Variants in KCNH1 observed in about 807,000 individuals in gnomAD.
KCNH1 encodes potassium voltage-gated channel subfamily H member 1, also known as voltage-gated delayed rectifier potassium channel KCNH1.
Under a neutral mutation model 69.2 loss-of-function variants are expected in KCNH1, and 27 were observed. The observed-to-expected ratio is 0.39, with a 90% CI of 0.29 to 0.54. KCNH1 has a LOEUF of 0.54. Among genes scored for constraint, KCNH1 ranks in the 20% least tolerant of loss-of-function variants. The probability of loss-of-function intolerance (pLI) is 0.68; values close to 1 mark genes in which losing one functional copy is unlikely to be tolerated. For missense variants in KCNH1, 798 were observed against 1,261.6 expected, an observed-to-expected ratio of 0.63 and a Z score of 5.57; for synonymous variants, 456 against 487.7, an observed-to-expected ratio of 0.93 and a Z score of 0.86.
At position 210,742,587 on chromosome 1, in the gene KCNH1, G is replaced by A. The variant is rs558620612; in HGVS notation, c.2112+32761C>T. ...GAATTTGAATGACAGCAGACAGTTT[G>A]GGTCTTAGACTACTGCCTCATGCAC... On this transcript the variant is annotated intron_variant, in intron 10 of 10. Coordinates refer to ENST00000271751, the MANE Select transcript of KCNH1 (RefSeq NM_172362.3). 3.9e-5 allele frequency among the ~76,000 whole-genome samples: 6 copies of A among 152,284 alleles called. No homozygotes were observed. The East Asian group carries it at 9.7e-4, about 25-fold the overall frequency.
At chr1:211,073,499 T>C (rs1392430348) in intron 5 of KCNH1, among the ~76,000 whole-genome samples, 1 of 152,068 alleles carries the variant, frequency 6.6e-6, no homozygotes, top group Non-Finnish European at 1.5e-5. Flanking sequence ...AACAAACAAA[T>C]AGAAATCATA....
chr1:210,767,715 C>T (rs1683664883), intron 10 of KCNH1, among the ~76,000 whole-genome samples: 1 of 152,136 alleles, frequency 6.6e-6, no homozygotes, highest in African/African-American at 2.4e-5. Flanking sequence ...TAGCACTACC[C>T]TTATTATGCC....
chr1:211,036,242 C>A (rs1202839886), intron 5 of KCNH1, among the ~76,000 whole-genome samples: 1 of 152,044 alleles, frequency 6.6e-6, no homozygotes, highest in Non-Finnish European at 1.5e-5. Flanking sequence ...GTTAGGCAAT[C>A]ATGATGGGTG....
chr1:211,023,164 T>TAAATAAATAAATA (rs1689621611), intron 5 of KCNH1, among the ~76,000 whole-genome samples: 5 of 117,846 alleles, frequency 4.2e-5, no homozygotes, highest in African/African-American at 6.2e-5. Flanking sequence ...ATAAATAAAT[T>TAAATAAATAAATA]AAAAATGCTG....
At chr1:210,710,681 G>A (rs35081959) in intron 10 of KCNH1, among the ~76,000 whole-genome samples, 15,646 of 152,094 alleles carry the variant, frequency 0.1, 905 homozygotes, top group Middle Eastern at 0.17. Context: ...CTAATGCCAC[G>A]TGGCTGGTAA....
chr1:210,900,194 A>G (rs2102534472), intron 7 of KCNH1, among the ~76,000 whole-genome samples: 1 of 152,318 alleles, frequency 6.6e-6, no homozygotes, highest in East Asian at 1.9e-4. Flanking sequence ...AAGCAGTTCA[A>G]AAACACAGCA....
chr1:210,947,994 G>A (rs550538935), intron 6 of KCNH1, among the ~76,000 whole-genome samples: 3 of 151,224 alleles, frequency 2.0e-5, no homozygotes, highest in Admixed American at 1.3e-4. Context: ...GATTGCTTGA[G>A]CTCAGGAGTT....
chr1:211,061,826 A>C (rs946008253), intron 5 of KCNH1, among the ~76,000 whole-genome samples: 1 of 152,166 alleles, frequency 6.6e-6, no homozygotes, highest in African/African-American at 2.4e-5. Flanking sequence ...GACACACACA[A>C]AAAAGGAAAA....
At chr1:210,761,320 G>A (rs1440527491) in intron 10 of KCNH1, among the ~76,000 whole-genome samples, 2 of 134,608 alleles carry the variant, frequency 1.5e-5, no homozygotes, top group Non-Finnish European at 3.1e-5. Flanking sequence ...AGCAATGACA[G>A]AATTGAGACT....
In KCNH1 at chr1:210,919,893, A is replaced by G. The variant is rs990305552; in HGVS notation, c.1209T>C (p.Tyr403=). ...TCTTGGTGTCCTCGTCAAAGATCTC[A>G]TAGTCCCCAATGCTGTACCAGATGC... The part of the protein sequence containing the change: ...MACIWYSIGD[Y]EIFDEDTKTI... Residue 403 remains tyrosine (Y), a synonymous_variant, in exon 7 of 11, where the codon TAT becomes TAC. Coordinates refer to ENST00000271751, the MANE Select transcript of KCNH1 (RefSeq NM_172362.3). This position sits in a 1 kb window ranked among gnomAD's most constrained non-coding sequence, Gnocchi z 4.2. 3.1e-6 allele frequency: 5 copies of G among 1,614,138 alleles called. No homozygotes were observed. Among genetic ancestry groups the G allele is most frequent in the East Asian group, 2.2e-5 (1 of 44,888 alleles).
chr1:211,078,917 C>CA (rs769981174), intron 5 of KCNH1, among the ~76,000 whole-genome samples: 16,185 of 82,890 alleles, frequency 0.2, 1,624 homozygotes, highest in Non-Finnish European at 0.24. Flanking sequence ...GACTCCGTCT[C>CA]AAAAAAAAAA....
At chr1:210,801,258 T>C (rs1252712611) in intron 8 of KCNH1, among the ~76,000 whole-genome samples, 1 of 152,198 alleles carries the variant, frequency 6.6e-6, no homozygotes, top group Non-Finnish European at 1.5e-5. Context: ...CTGGTAAAAC[T>C]GGGGTATCCC....
chr1:210,780,549 G>A (rs887498460), intron 9 of KCNH1, among the ~76,000 whole-genome samples: 2 of 152,112 alleles, frequency 1.3e-5, no homozygotes, highest in African/African-American at 4.8e-5. Context: ...AATGTGTTAG[G>A]GGCTATAACA....
chr1:210,924,741 A>T (rs905115), intron 6 of KCNH1, among the ~76,000 whole-genome samples: 80,168 of 151,854 alleles, frequency 0.53, 21,500 homozygotes, highest in Admixed American at 0.56. Flanking sequence ...CAATGCTGTC[A>T]CCATGACCAG....
intron 6 of KCNH1, among the ~76,000 whole-genome samples, chr1:211,001,477 C>G (rs1361544903): frequency 6.6e-6 from 1 of 152,154 alleles, no homozygotes; most frequent in African/African-American, 2.4e-5. Context: ...CCATCCCACA[C>G]CAGTTAGAAT....
chr1:210,938,400 A>G (rs4408210), intron 6 of KCNH1, among the ~76,000 whole-genome samples: 8,310 of 152,290 alleles, frequency 0.055, 345 homozygotes, highest in African/African-American at 0.11. Context: ...TCTTTTGAAT[A>G]TTGTGCCATG....
intron 6 of KCNH1, among the ~76,000 whole-genome samples, chr1:210,933,549 TA>T (rs1687720055): frequency 1.3e-5 from 2 of 149,830 alleles, no homozygotes; most frequent in African/African-American, 4.9e-5. Flanking sequence ...AGAACAAAAA[TA>T]AATGAAATAG....
rs1302286689 is a variant in KCNH1 at position 210,811,914 on chromosome 1, A to T, written c.1463-7748T>A. Among the ~76,000 whole-genome samples, 3 of 152,242 alleles carry T rather than the reference A, an allele frequency of 2.0e-5. No individual in the cohort carries two copies. The East Asian group carries it at 5.8e-4, about 29-fold the overall frequency. On this transcript the variant is annotated intron_variant, in intron 7 of 10. Coordinates refer to ENST00000271751, the MANE Select transcript of KCNH1 (RefSeq NM_172362.3). ...TGTATCCACCAAATCATCCATTCTC[A>T]AACTTCAGTGTGTATCAGAATCATG...
chr1:210,886,148 C>T (rs1406534552), intron 7 of KCNH1, among the ~76,000 whole-genome samples: 1 of 152,164 alleles, frequency 6.6e-6, no homozygotes, highest in East Asian at 1.9e-4. Context: ...AGGAGAATTC[C>T]AGCTGGCATC....
Sources: allele counts gnomAD v4.1 joint callset (sites outside exome capture counted in the v4.1 genomes callset), GRCh38; gene constraint gnomAD v4.1.1; non-coding constraint Gnocchi (gnomAD v3.1); transcripts MANE v1.5; gene names NCBI Gene and HGNC (gene_info 2026-07-23, HGNC 2026-07-21).